Variants in CDKL1 observed in about 807,000 individuals in gnomAD.
CDKL1 encodes the protein cyclin-dependent kinase-like 1.
A neutral mutation model predicts 42.0 loss-of-function variants in CDKL1; 41 were observed. The ratio of observed to expected loss-of-function variants is 0.98; its 90% CI spans 0.76 to 1.27. The LOEUF (loss-of-function observed/expected upper bound fraction) is 1.27, where lower values mean the gene tolerates loss of function less well. Ranked by LOEUF, CDKL1 falls within the 50% of genes most tolerant of loss-of-function variation. The pLI is 0.00. For missense variants in CDKL1, 394 were observed against 428.4 expected (o/e 0.92, Z 0.71); for synonymous variants, 153 against 158.6 (o/e 0.96, Z 0.26).
Position 50,359,085 on chromosome 14 carries a change from A to G in CDKL1, c.233T>C (p.Leu78Pro). 1.9e-6 allele frequency: 3 copies of G among 1,613,108 alleles called. No individual in the cohort carries two copies. The highest frequency in any genetic ancestry group is 2.5e-6 in the Non-Finnish European group (3 of 1,179,126). The change falls in exon 3 of 10, where the codon CTG (leucine) becomes CCG (proline). Residue 78 changes from leucine to proline, a missense_variant. By Grantham distance (98) the Leu-to-Pro change is moderately conservative. Coordinates refer to ENST00000395834, the MANE Select transcript of CDKL1 (RefSeq NM_004196.7). ...EVFRRKRRLHLVFEYCDHTVL... is the reference protein window; with the variant it reads ...EVFRRKRRLHPVFEYCDHTVL... ...TGTGTGGTCACAATATTCAAACACC[A>G]GGTGAAGCCTCCGTTTCCTCCTGAA...
intron 5 of CDKL1, among the ~76,000 whole-genome samples, chr14:50,341,603 AC>A (rs546940360): frequency 1.0e-3 from 155 of 151,670 alleles, no homozygotes; most frequent in African/African-American, 3.5e-3. Flanking sequence ...ATGTGGTGAA[AC>A]CCCGTCTCTA....
intron 3 of CDKL1, chr14:50,358,185 G>C: frequency 7.8e-7 from 1 of 1,284,200 alleles, no homozygotes; most frequent in Non-Finnish European, 1.0e-6. Context: ...AGCCCCCGGA[G>C]TCACTCCCAC....
Position 50,330,072 on chromosome 14 carries a change from C to A in CDKL1, c.*2G>T. The A allele has an allele frequency of 6.2e-7, 1 of 1,608,714 alleles. No homozygotes were observed. Among genetic ancestry groups the A allele is most frequent in the Non-Finnish European group, 8.5e-7 (1 of 1,178,900 alleles). On this transcript the variant is annotated 3_prime_UTR_variant, in exon 10 of 10. Coordinates refer to ENST00000395834, the MANE Select transcript of CDKL1 (RefSeq NM_004196.7). ...TTTTTAAAATCATGTCTCCTAGCTC[C>A]TTTAAATGTTTGGAAAACGGTAGTT... is the stretch of plus-strand genomic sequence containing the variant.
chr14:50,350,910 A>G (rs928790094), intron 3 of CDKL1, among the ~76,000 whole-genome samples: 1 of 152,054 alleles, frequency 6.6e-6, no homozygotes, highest in African/African-American at 2.4e-5. Flanking sequence ...CCTTCTGGGG[A>G]GGGCAGAATG....
At chr14:50,391,342 T>C (rs957056992) in intron 2 of CDKL1, among the ~76,000 whole-genome samples, 5 of 152,108 alleles carry the variant, frequency 3.3e-5, no homozygotes, top group Non-Finnish European at 7.4e-5. Context: ...TTCCACCCCA[T>C]AGCTTAGAGC....
chr14:50,386,376 G>C (rs575431450), intron 2 of CDKL1, among the ~76,000 whole-genome samples: 1 of 152,188 alleles, frequency 6.6e-6, no homozygotes, highest in Non-Finnish European at 1.5e-5. Flanking sequence ...CAAGAATACA[G>C]TGAGCCATGA....
In CDKL1 at chr14:50,341,026, A is replaced by G. The variant is rs1308371092; in HGVS notation, c.655+6T>C. ...TTCCAAAAGGTGGGACAAAAACACC[A>G]CTTACCCAAGGTCTTCCTAATCAGA... is the stretch of plus-strand genomic sequence containing the variant. On this transcript the variant is annotated splice_donor_region_variant and intron_variant, in intron 6 of 9. Transcript: ENST00000395834. 2.5e-6 allele frequency: 4 copies of G among 1,610,972 alleles called. No homozygotes were observed. The African/African-American group carries it at 4.0e-5, about 16-fold the overall frequency.
At chr14:50,390,005 T>C in intron 2 of CDKL1, 1 of 542,538 alleles carries the variant, frequency 1.8e-6, no homozygotes, top group Non-Finnish European at 3.6e-6. Context: ...AATATCTACC[T>C]TCTAAGGTTG....
At chr14:50,395,640 C>CT in intron 2 of CDKL1, 61 bp downstream of exon 2, 1 of 1,191,062 alleles carries the variant, frequency 8.4e-7, no homozygotes, top group Non-Finnish European at 1.2e-6. Context: ...GCACTCCAGC[C>CT]TGGGAGACAG....
rs767190208 is a variant in CDKL1 at position 50,343,029 on chromosome 14, C to T, written c.364-807G>A. 7 of 1,351,104 alleles carry T rather than the reference C, an allele frequency of 5.2e-6. No homozygotes were observed. The African/African-American group carries it at 8.9e-5, about 17-fold the overall frequency. The allele number at this position is 1,351,104 out of a possible 1,614,324, so 83.7% of individuals were successfully genotyped here. A position where few individuals can be genotyped will look rare whatever the true frequency, so the allele number is the denominator to read the frequency against. On this transcript the variant is annotated intron_variant, in intron 4 of 9. Coordinates refer to ENST00000395834, the MANE Select transcript of CDKL1 (RefSeq NM_004196.7). ...GACTCAAATCACCTGTGGTTTCCAG[C>T]CCACAGCCAACATTCTTAAACAGGG...
intron 2 of CDKL1, among the ~76,000 whole-genome samples, chr14:50,377,388 G>A (rs376087223): frequency 1.3e-5 from 2 of 152,154 alleles, no homozygotes; most frequent in African/African-American, 2.4e-5. Flanking sequence ...ATGAGTCCCC[G>A]TTCCTGGTTA....
rs183990530 is a variant in CDKL1 at position 50,357,014 on chromosome 14, A to G, written c.290+2014T>C. ...CAAATCAGTGTTCCCAAGCCACTCA[A>G]CATGATTAATCAAATTCCCTGTAAC... On this transcript the variant is annotated intron_variant, in intron 3 of 9. Transcript: ENST00000395834. 3.9e-5 allele frequency: 6 copies of G among 152,352 alleles called. No homozygotes were observed. The East Asian group carries it at 5.8e-4, about 15-fold the overall frequency. 9.4% of individuals were successfully genotyped at this position (152,352 alleles called of 1,614,324 possible).
At chr14:50,332,223 G>C (rs377326524) in intron 9 of CDKL1, 39 bp downstream of exon 9, 100 of 1,614,066 alleles carry the variant, frequency 6.2e-5, no homozygotes, top group Non-Finnish European at 7.9e-5. Flanking sequence ...CCAACTCTCT[G>C]TACCAGGTGG....
chr14:50,389,377 A>AT (rs2035185653), intron 2 of CDKL1, among the ~76,000 whole-genome samples: 1 of 152,080 alleles, frequency 6.6e-6, no homozygotes, highest in South Asian at 2.1e-4. Flanking sequence ...CATTTTACAC[A>AT]TTTTTTCTAA....
In CDKL1 at chr14:50,326,308, T is replaced by A. The variant is rs990001495; in HGVS notation, c.*3766A>T. 1.9e-6 allele frequency: 1 copy of A among 516,232 alleles called. No individual in the cohort carries two copies. The highest frequency in any genetic ancestry group is 1.5e-4 in the East Asian group (1 of 6,660). 32.0% of individuals were successfully genotyped at this position (516,232 alleles called of 1,614,324 possible). A position where few individuals can be genotyped will look rare whatever the true frequency, so the allele number is the denominator to read the frequency against. ...CATTTAATATGTAAATCTATAGATA[T>A]CTCTTGATGTAGATATTTAGAATCC... On this transcript the variant is annotated 3_prime_UTR_variant, in exon 10 of 10. Transcript: ENST00000395834.
intron 2 of CDKL1, among the ~76,000 whole-genome samples, chr14:50,360,700 C>T (rs1285499345): frequency 6.6e-6 from 1 of 152,098 alleles, no homozygotes; most frequent in Non-Finnish European, 1.5e-5. Flanking sequence ...AGCCATGAAC[C>T]CGGCCATGAG....
chr14:50,362,656 G>C (rs1162346695), intron 2 of CDKL1, among the ~76,000 whole-genome samples: 2 of 152,042 alleles, frequency 1.3e-5, no homozygotes, highest in Non-Finnish European at 2.9e-5. Flanking sequence ...TTAGGACTTA[G>C]AGAACATTTG....
intron 2 of CDKL1, among the ~76,000 whole-genome samples, chr14:50,374,378 T>G (rs531428633): frequency 6.6e-6 from 1 of 152,350 alleles, no homozygotes; most frequent in East Asian, 1.9e-4. Context: ...GCAAAATGCA[T>G]AGAACTTTAC....
intron 2 of CDKL1, chr14:50,378,150 TTGCTGTAGGTTAGC>T: frequency 7.3e-7 from 1 of 1,364,166 alleles, no homozygotes. Context: ...CTCAGTTCCA[TTGCTGTAGGTTAGC>T]TGCTTCCTTT....
Sources: allele counts gnomAD v4.1 joint callset (sites outside exome capture counted in the v4.1 genomes callset), GRCh38; gene constraint gnomAD v4.1.1; transcripts MANE v1.5; gene names NCBI Gene and HGNC (gene_info 2026-07-23, HGNC 2026-07-21).